AARSD1: variants seen among roughly 807,000 people sequenced by gnomAD.
AARSD1 encodes the protein alanyl-tRNA synthetase domain containing 1.
Under a neutral mutation model 48.7 loss-of-function variants are expected in AARSD1, and 44 were observed. The observed-to-expected ratio is 0.90, with a 90% CI of 0.71 to 1.16. The LOEUF is 1.16. Among genes scored for constraint, AARSD1 ranks in the 50% most tolerant of loss-of-function variants. The pLI, the probability that AARSD1 is intolerant of heterozygous loss-of-function variation, is 0.00. For missense variants in AARSD1, 511 were observed against 523.1 expected (o/e 0.98, Z 0.23); for synonymous variants, 189 against 194.9 (o/e 0.97, Z 0.25).
chr17:42,951,903 T>C lies in AARSD1; in HGVS notation c.1009-9A>G, dbSNP rs2049484429. On this transcript the variant is annotated splice_polypyrimidine_tract_variant and intron_variant, in intron 10 of 11. Coordinates refer to ENST00000427569, the MANE Select transcript of AARSD1 (RefSeq NM_001261434.2). ...AAGAACAGGAGGGTCTCCTAGGAGG[T>C]AAGACAAGGAGATAAGCTCTGATAC... 3 of 1,613,078 alleles carry C rather than the reference T, an allele frequency of 1.9e-6. No homozygotes were observed. The South Asian group carries it at 3.3e-5, about 18-fold the overall frequency.
At chr17:42,956,356 T>C (rs753332873) in intron 5 of AARSD1, 36 bp from the exon 6 acceptor site, 9 of 1,614,096 alleles carry the variant, frequency 5.6e-6, no homozygotes, top group East Asian at 2.2e-5. Context: ...TGTCTGAATC[T>C]GATGAGGAAT....
chr17:42,957,783 A>T (rs567729248), intron 3 of AARSD1, among the ~76,000 whole-genome samples: 2 of 152,130 alleles, frequency 1.3e-5, no homozygotes, highest in African/African-American at 4.8e-5. Context: ...CTTAAGTTCC[A>T]ATATGCAGCA....
At chr17:42,963,644 C>A (rs1165268851) in intron 2 of AARSD1, among the ~76,000 whole-genome samples, 1 of 152,032 alleles carries the variant, frequency 6.6e-6, no homozygotes, top group Non-Finnish European at 1.5e-5. Context: ...GAAGCTAATT[C>A]CTTCCTTGGG....
At chr17:42,958,418 A>AG (rs1303381625) in intron 3 of AARSD1, among the ~76,000 whole-genome samples, 1 of 151,582 alleles carries the variant, frequency 6.6e-6, no homozygotes, top group African/African-American at 2.4e-5. Flanking sequence ...CTTGAATCCC[A>AG]GGGGTGGAAG....
Position 42,953,615 on chromosome 17 carries a change from T to C in AARSD1, c.1008+109A>G, listed in dbSNP as rs965078619. On this transcript the variant is annotated intron_variant, in intron 10 of 11. Coordinates refer to ENST00000427569, the MANE Select transcript of AARSD1 (RefSeq NM_001261434.2). ...CAGTATTGAATGAATGGCTATTTCC[T>C]CCTCCTCATGTGTTCATGTGGAGGG... is the stretch of plus-strand genomic sequence containing the variant. 7.9e-6 allele frequency: 11 copies of C among 1,399,380 alleles called. No homozygotes were observed. The African/African-American group carries it at 1.4e-4, about 18-fold the overall frequency. The allele number at this position is 1,399,380 out of a possible 1,614,324, so 86.7% of individuals were successfully genotyped here. A position where few individuals can be genotyped will look rare whatever the true frequency, so the allele number is the denominator to read the frequency against.
At chr17:42,961,767 AT>A (rs899491219) in intron 2 of AARSD1, among the ~76,000 whole-genome samples, 1 of 152,170 alleles carries the variant, frequency 6.6e-6, no homozygotes, top group African/African-American at 2.4e-5. Context: ...ATGGTAGCTT[AT>A]TCCTGTAATC....
At chr17:42,955,421 T>G (rs1199321882) in intron 7 of AARSD1, 197 bp from the exon 8 acceptor site, 1 of 547,036 alleles carries the variant, frequency 1.8e-6, no homozygotes, top group African/African-American at 1.9e-5. Context: ...TGATTTACTA[T>G]CCAAAGCACT....
Position 42,964,401 on chromosome 17 carries a change from C to A in AARSD1, c.39+1G>T, listed in dbSNP as rs772384772. 1.8e-4 allele frequency: 281 copies of A among 1,551,746 alleles called. No individual in the cohort carries two copies. Among genetic ancestry groups the A allele is most frequent in the Non-Finnish European group, 2.2e-4 (254 of 1,147,540 alleles). On this transcript the variant is annotated splice_donor_variant, in intron 1 of 11. Transcript: ENST00000427569. LOFTEE classifies it high-confidence loss of function. ...TCAAGTGCCTCGCCGTGACGCCGTA[C>A]CTCTCGGGCATAACTGTCACGCTGA...
intron 9 of AARSD1, chr17:42,953,998 A>C (rs1288638952): frequency 6.9e-6 from 4 of 581,300 alleles, no homozygotes; most frequent in Non-Finnish European, 1.2e-5. Flanking sequence ...TCTCCCTTAA[A>C]TAGGATTCAC....
chr17:42,955,222 C>T lies in AARSD1; in HGVS notation c.797G>A (p.Cys266Tyr). ...TEKALTALLK[C>Y]GAEDHVEAVK... ...TGCTTCCACATGATCCTCTGCTCCA[C>T]ACCTGAAAGAGAAAGGTCAGAGGAG... The change falls in exon 8 of 12, where the codon TGT becomes TAT. Residue 266 changes from cysteine (C) to tyrosine (Y), a missense_variant and splice_region_variant. Physicochemically the swap from Cys to Tyr is radical, Grantham distance 194. Transcript: ENST00000427569. 3.7e-6 allele frequency: 6 copies of T among 1,614,018 alleles called. No homozygotes were observed. Among genetic ancestry groups the T allele is most frequent in the Non-Finnish European group, 5.1e-6 (6 of 1,179,984 alleles).
At chr17:42,955,380 A>G (rs1389140179) in intron 7 of AARSD1, 156 bp from the exon 8 acceptor site, 2 of 800,016 alleles carry the variant, frequency 2.5e-6, no homozygotes, top group East Asian at 5.5e-5. Context: ...GGGAGAAAAC[A>G]TACAAAGGAA....
intron 10 of AARSD1, among the ~76,000 whole-genome samples, chr17:42,952,819 CTTTT>C (rs111718176): frequency 1.4e-5 from 2 of 138,486 alleles, no homozygotes; most frequent in Non-Finnish European, 1.6e-5. Context: ...CCTGTATTTA[CTTTT>C]TTTTTTTTTT....
At chr17:42,956,702 C>T (rs2151941428) in intron 4 of AARSD1, 142 bp from the exon 5 acceptor site, 2 of 1,080,468 alleles carry the variant, frequency 1.9e-6, no homozygotes, top group South Asian at 1.8e-5. Context: ...GAGTCTCGCT[C>T]TGTCGCCCAG....
In AARSD1 at chr17:42,956,613, C is replaced by G. The variant is rs940177282; in HGVS notation, c.390-53G>C. On this transcript the variant is annotated intron_variant, in intron 4 of 11. Coordinates refer to ENST00000427569, the MANE Select transcript of AARSD1 (RefSeq NM_001261434.2). ...ACATATCTTACTGAACAAGAAAAAG[C>G]TGAAAGCTTTTCCTCTAAAAACTGG... The G allele has an allele frequency of 2.1e-6, 3 of 1,424,884 alleles. No individual in the cohort carries two copies. In the African/African-American group the frequency reaches 4.4e-5, roughly 21 times the overall value. The allele number at this position is 1,424,884 out of a possible 1,614,324, so 88.3% of individuals were successfully genotyped here.
Position 42,964,179 on chromosome 17 carries a change from C to T in AARSD1, c.98G>A (p.Gly33Asp), listed in dbSNP as rs773176232. 6 of 1,614,240 alleles carry T rather than the reference C, an allele frequency of 3.7e-6. No individual in the cohort carries two copies. ...GAAACCGCTCAGCACTTCTTTCTTG[C>T]CGTTGCTCCCTTCAGTCTGCAGCTC... is the stretch of plus-strand genomic sequence containing the variant. Reference protein sequence around the residue: ...PAELQTEGSNGKKEVLSGFQV... With the variant: ...PAELQTEGSNDKKEVLSGFQV... The change falls in exon 2 of 12, where the codon GGC (glycine) becomes GAC (aspartate). Residue 33 changes from glycine (G) to aspartate (D), a missense_variant. By Grantham distance (94) the Gly-to-Asp change is moderately conservative. Transcript: ENST00000427569.
chr17:42,951,381 A>G (rs1223861002), intron 11 of AARSD1, among the ~76,000 whole-genome samples: 2 of 152,086 alleles, frequency 1.3e-5, no homozygotes, highest in Non-Finnish European at 2.9e-5. Context: ...GTGAAACCCT[A>G]TCTGTACTAA....
chr17:42,957,845 G>A (rs1184641006), intron 3 of AARSD1, among the ~76,000 whole-genome samples: 1 of 152,034 alleles, frequency 6.6e-6, no homozygotes, highest in African/African-American at 2.4e-5. Context: ...CAAGGCACAG[G>A]GCTTGACATA....
Position 42,951,809 on chromosome 17 carries a change from AG to A in AARSD1, c.1093del (p.Leu365TrpfsTer27). 6.2e-7 allele frequency: 1 copy of A among 1,614,198 alleles called. No homozygotes were observed. The highest frequency in any genetic ancestry group is 8.5e-7 in the Non-Finnish European group (1 of 1,180,024). On this transcript the variant is annotated frameshift_variant, in exon 11 of 12. Transcript: ENST00000427569. LOFTEE classifies it high-confidence loss of function. ...LAGPPASVET[L>X]GPRVAEVLEG... ...GTCCACAAAGAATTACCTGGGCCCC[AG>A]GGTCTCCACAGACGCAGGTGGCCCT...
chr17:42,953,988 T>C (rs961633000), intron 9 of AARSD1: 1 of 605,402 alleles, frequency 1.7e-6, no homozygotes, highest in Non-Finnish European at 2.9e-6. Context: ...TTTGTTTCCA[T>C]CTCCCTTAAA....
Sources: allele counts gnomAD v4.1 joint callset (sites outside exome capture counted in the v4.1 genomes callset), GRCh38; gene constraint gnomAD v4.1.1; transcripts MANE v1.5; gene names NCBI Gene and HGNC (gene_info 2026-07-23, HGNC 2026-07-21).